The following EXOC6B variants were observed in gnomAD, a reference collection of about 807,000 sequenced individuals.
The protein encoded by EXOC6B is exocyst complex component 6B.
In EXOC6B, 54 loss-of-function variants were observed where a neutral mutation model predicts 113.5. The ratio of observed to expected loss-of-function variants is 0.48; its 90% CI spans 0.38 to 0.60. EXOC6B has a LOEUF of 0.60. Among genes scored for constraint, EXOC6B ranks in the 20% least tolerant of loss-of-function variants. EXOC6B has a pLI of 0.00. For synonymous variants in EXOC6B, 357 were observed against 339.0 expected, an observed-to-expected ratio of 1.05 and a Z score of -0.58; for missense variants, 797 against 977.5, an observed-to-expected ratio of 0.82 and a Z score of 2.46.
intron 19 of EXOC6B, among the ~76,000 whole-genome samples, chr2:72,341,198 C>A (rs754508647): frequency 4.6e-5 from 7 of 151,992 alleles, no homozygotes; most frequent in Admixed American, 6.6e-5. Flanking sequence ...TCTCCAACTT[C>A]GAGAAAGACA....
intron 18 of EXOC6B, among the ~76,000 whole-genome samples, chr2:72,432,890 CT>C (rs1695626172): frequency 6.6e-6 from 1 of 152,136 alleles, no homozygotes. Context: ...GTTTCTTTTG[CT>C]GTGCAGAAGC....
intron 6 of EXOC6B, among the ~76,000 whole-genome samples, chr2:72,616,699 G>A (rs553433483): frequency 1.3e-4 from 20 of 152,068 alleles, no homozygotes; most frequent in Non-Finnish European, 2.5e-4. Flanking sequence ...ATCCCCCACC[G>A]AGTCCCTCCC....
At chr2:72,346,727 C>T (rs1252717402) in intron 19 of EXOC6B, among the ~76,000 whole-genome samples, 1 of 152,006 alleles carries the variant, frequency 6.6e-6, no homozygotes, top group Non-Finnish European at 1.5e-5. Context: ...GTAATTTTTG[C>T]AATATGTGGT....
In EXOC6B at chr2:72,334,875, T is replaced by G. The variant is rs1021905790; in HGVS notation, c.2196+72A>C. ...ACGCCAATCCCCCTCCCTTCCCCTT[T>G]TCCTTAAGACCTGATGGTCTTCAGT... is the stretch of plus-strand genomic sequence containing the variant. On this transcript the variant is annotated intron_variant, in intron 20 of 21. Transcript: ENST00000272427. The G allele has an allele frequency of 4.8e-6, 7 of 1,453,150 alleles. No homozygotes were observed. In the African/African-American group the frequency reaches 8.4e-5, roughly 17 times the overall value. The allele number at this position is 1,453,150 out of a possible 1,614,324, so 90.0% of individuals were successfully genotyped here.
At chr2:72,254,797 A>G (rs1683252256) in intron 20 of EXOC6B, among the ~76,000 whole-genome samples, 1 of 152,202 alleles carries the variant, frequency 6.6e-6, no homozygotes, top group Admixed American at 6.5e-5. Context: ...AATTATGTAC[A>G]GTTGAGTAGA....
At chr2:72,770,190 A>G (rs964171044) in intron 1 of EXOC6B, among the ~76,000 whole-genome samples, 5 of 152,228 alleles carry the variant, frequency 3.3e-5, no homozygotes, top group South Asian at 2.1e-4. Flanking sequence ...CAACTCTAAG[A>G]CAAAAACAAG....
At chr2:72,708,150 T>C (rs1482326022) in intron 6 of EXOC6B, among the ~76,000 whole-genome samples, 1 of 152,166 alleles carries the variant, frequency 6.6e-6, no homozygotes, top group African/African-American at 2.4e-5. Context: ...TCAAACCTTT[T>C]ATGGAAAAAA....
At chr2:72,662,747 CT>C (rs908355200) in intron 6 of EXOC6B, among the ~76,000 whole-genome samples, 109 of 146,968 alleles carry the variant, frequency 7.4e-4, no homozygotes, top group South Asian at 1.1e-3. Context: ...ACCGTTTAGC[CT>C]TTTTTTTTTT....
intron 1 of EXOC6B, among the ~76,000 whole-genome samples, chr2:72,752,272 C>G (rs1054094108): frequency 6.6e-6 from 1 of 152,020 alleles, no homozygotes; most frequent in Non-Finnish European, 1.5e-5. Flanking sequence ...CTCTGTCTAC[C>G]CTGATATTTG....
intron 6 of EXOC6B, among the ~76,000 whole-genome samples, chr2:72,659,753 CA>C (rs1674869789): frequency 6.6e-6 from 1 of 152,130 alleles, no homozygotes; most frequent in South Asian, 2.1e-4. Context: ...TCAGGAACCA[CA>C]AACTGTCAAC....
intron 6 of EXOC6B, among the ~76,000 whole-genome samples, chr2:72,578,647 C>T (rs2103845775): frequency 6.6e-6 from 1 of 152,166 alleles, no homozygotes; most frequent in South Asian, 2.1e-4. Flanking sequence ...GTGTTGCACA[C>T]TGGTGATACA....
At chr2:72,721,752 T>C (rs1389988779) in intron 5 of EXOC6B, 1 of 152,040 alleles carries the variant, frequency 6.6e-6, no homozygotes, top group Non-Finnish European at 1.5e-5. Flanking sequence ...GCTAATAAAA[T>C]AGCAAAATGT....
At chr2:72,626,699 T>A (rs1452386078) in intron 6 of EXOC6B, among the ~76,000 whole-genome samples, 1 of 152,194 alleles carries the variant, frequency 6.6e-6, no homozygotes. Context: ...TTAACACTTT[T>A]TGGTATCTAA....
intron 6 of EXOC6B, among the ~76,000 whole-genome samples, chr2:72,637,127 G>T (rs556399196): frequency 1.2e-4 from 18 of 152,168 alleles, no homozygotes; most frequent in African/African-American, 3.9e-4. Flanking sequence ...TGTACAGAAT[G>T]GACATGCTAA....
At chr2:72,418,881 T>C (rs988830549) in intron 18 of EXOC6B, among the ~76,000 whole-genome samples, 1 of 152,102 alleles carries the variant, frequency 6.6e-6, no homozygotes, top group Non-Finnish European at 1.5e-5. Context: ...CGACCTTCTG[T>C]CCCCCCCTTA....
At chr2:72,331,871 T>G (rs890216195) in intron 20 of EXOC6B, among the ~76,000 whole-genome samples, 1 of 152,142 alleles carries the variant, frequency 6.6e-6, no homozygotes, top group East Asian at 1.9e-4. Context: ...TAAAAAAGGA[T>G]GAATAGTTTT....
chr2:72,530,810 C>A (rs1453631044), intron 8 of EXOC6B, among the ~76,000 whole-genome samples: 1 of 152,038 alleles, frequency 6.6e-6, no homozygotes, highest in Admixed American at 6.5e-5. Context: ...TGGATTGACC[C>A]TTTTACCATT....
chr2:72,315,519 G>A (rs973085299), intron 20 of EXOC6B, among the ~76,000 whole-genome samples: 7 of 152,120 alleles, frequency 4.6e-5, no homozygotes, highest in African/African-American at 1.7e-4. Flanking sequence ...GGCCTGTAGA[G>A]GGGCAAAGGC....
chr2:72,552,932 C>A (rs1703323876), intron 8 of EXOC6B, among the ~76,000 whole-genome samples: 1 of 151,892 alleles, frequency 6.6e-6, no homozygotes, highest in African/African-American at 2.4e-5. Flanking sequence ...CAGATATATT[C>A]TCTTTAAGAT....
Sources: gnomAD v4.1 joint callset for allele counts (sites outside exome capture counted in the v4.1 genomes callset) on GRCh38, gnomAD v4.1.1 for gene constraint, MANE v1.5 for transcripts, NCBI Gene and HGNC (gene_info 2026-07-23, HGNC 2026-07-21) for gene names.